Variants in CCDC178 observed in about 807,000 individuals in gnomAD.
The protein encoded by CCDC178 is coiled-coil domain-containing protein 178.
In CCDC178, 126 loss-of-function variants were observed where a neutral mutation model predicts 117.4. That is an observed-to-expected ratio of 1.07 (90% CI 0.93 to 1.24). The LOEUF (loss-of-function observed/expected upper bound fraction) is 1.24, where lower values mean the gene tolerates loss of function less well. Among genes scored for constraint, CCDC178 ranks in the 50% most tolerant of loss-of-function variants. The pLI is 0.00. For missense variants in CCDC178, 1,030 were observed against 986.9 expected, an observed-to-expected ratio of 1.04 and a Z score of -0.59; for synonymous variants, 283 against 313.4, an observed-to-expected ratio of 0.90 and a Z score of 1.02.
At chr18:33,421,625 A>T (rs1009659907) in intron 2 of CCDC178, among the ~76,000 whole-genome samples, 1 of 152,242 alleles carries the variant, frequency 6.6e-6, no homozygotes, top group African/African-American at 2.4e-5. Flanking sequence ...AAAGATGCAC[A>T]AAAAGACAGG....
chr18:33,021,457 G>T (rs1266299861), intron 21 of CCDC178, among the ~76,000 whole-genome samples: 1 of 152,132 alleles, frequency 6.6e-6, no homozygotes, highest in African/African-American at 2.4e-5. Flanking sequence ...CAGCACTTTG[G>T]GAGGCCGAGG....
chr18:33,435,024 C>A (rs190455747), intron 2 of CCDC178, among the ~76,000 whole-genome samples: 5 of 152,108 alleles, frequency 3.3e-5, no homozygotes, highest in Admixed American at 2.6e-4. Context: ...CAGCACCTGG[C>A]AAATATTATG....
At chr18:33,366,684 G>A (rs1415958414) in intron 6 of CCDC178, among the ~76,000 whole-genome samples, 2 of 151,912 alleles carry the variant, frequency 1.3e-5, no homozygotes, top group African/African-American at 4.8e-5. Context: ...AATCACAGAT[G>A]ACTACATATT....
chr18:33,067,651 C>A (rs974845367), intron 21 of CCDC178, among the ~76,000 whole-genome samples: 4 of 151,972 alleles, frequency 2.6e-5, no homozygotes, highest in African/African-American at 9.7e-5. Flanking sequence ...TCGAGACCAG[C>A]CTGACCAACA....
intron 6 of CCDC178, 42 bp downstream of exon 6, chr18:33,370,008 T>TA (rs771817846): frequency 2.7e-6 from 4 of 1,500,474 alleles, no homozygotes; most frequent in Non-Finnish European, 3.6e-6. Flanking sequence ...AGAGGGTCGA[T>TA]AAAGCTTACC....
intron 20 of CCDC178, among the ~76,000 whole-genome samples, chr18:33,099,909 T>A (rs2057599233): frequency 6.6e-6 from 1 of 152,048 alleles, no homozygotes; most frequent in African/African-American, 2.4e-5. Flanking sequence ...ACATTCTTGA[T>A]TTGTAAATGA....
In CCDC178 at chr18:33,106,330, G is replaced by A. The variant is rs114056203; in HGVS notation, c.2239-13420C>T. Among the ~76,000 whole-genome samples, 704 of 151,808 alleles carry A rather than the reference G, an allele frequency of 4.6e-3. 5 individuals carry two copies. Among genetic ancestry groups the A allele is most frequent in the African/African-American group, 0.016 (675 of 41,480 alleles). ...AGAAAGGAAGGAAGGAAGAAAGAAA[G>A]AGCAAGTCTTCTGGAATTAAATGCT... On this transcript the variant is annotated intron_variant, in intron 20 of 22. Transcript: ENST00000383096.
chr18:33,424,465 C>T (rs2064085722), intron 2 of CCDC178, among the ~76,000 whole-genome samples: 1 of 152,122 alleles, frequency 6.6e-6, no homozygotes, highest in Non-Finnish European at 1.5e-5. Flanking sequence ...GGTGTACAGG[C>T]GCACACCTCC....
intron 12 of CCDC178, among the ~76,000 whole-genome samples, chr18:33,268,710 C>T (rs2059850466): frequency 6.6e-6 from 1 of 151,524 alleles, no homozygotes; most frequent in African/African-American, 2.4e-5. Flanking sequence ...AATAAAAAGC[C>T]AACATTCCCA....
intron 22 of CCDC178, among the ~76,000 whole-genome samples, chr18:32,951,966 TC>T (rs2144627497): frequency 6.6e-6 from 1 of 152,310 alleles, no homozygotes; most frequent in African/African-American, 2.4e-5. Context: ...CAAAATTATC[TC>T]CTTTTACTCC....
At chr18:33,007,688 A>G (rs2055779458) in intron 21 of CCDC178, among the ~76,000 whole-genome samples, 1 of 152,144 alleles carries the variant, frequency 6.6e-6, no homozygotes, top group Admixed American at 6.6e-5. Context: ...ACCTAAGTAC[A>G]TACAAATCAA....
At chr18:33,396,636 T>C (rs1369358040) in intron 4 of CCDC178, among the ~76,000 whole-genome samples, 1 of 152,156 alleles carries the variant, frequency 6.6e-6, no homozygotes, top group Non-Finnish European at 1.5e-5. Context: ...AACAAACATA[T>C]ATTAACTCAG....
chr18:33,311,587 T>C (rs2144954548), intron 11 of CCDC178, among the ~76,000 whole-genome samples: 1 of 152,314 alleles, frequency 6.6e-6, no homozygotes, highest in South Asian at 2.1e-4. Flanking sequence ...TCTTCTTCAA[T>C]GTGCCTTCTT....
intron 11 of CCDC178, among the ~76,000 whole-genome samples, chr18:33,308,344 G>A (rs2062286542): frequency 6.6e-6 from 1 of 152,198 alleles, no homozygotes; most frequent in Admixed American, 6.5e-5. Context: ...CATGGGGCCT[G>A]TAGCCCCCTT....
intron 22 of CCDC178, among the ~76,000 whole-genome samples, chr18:32,965,829 C>T (rs1226730123): frequency 1.3e-5 from 2 of 150,438 alleles, no homozygotes; most frequent in Non-Finnish European, 3.0e-5. Flanking sequence ...TTTTTTTGTA[C>T]TTCTGATATT....
At chr18:33,018,369 A>G (rs2056040419) in intron 21 of CCDC178, among the ~76,000 whole-genome samples, 1 of 152,064 alleles carries the variant, frequency 6.6e-6, no homozygotes, top group Non-Finnish European at 1.5e-5. Flanking sequence ...GCTCCTCAAA[A>G]TGTTAAACAT....
At chr18:33,147,356 A>ATTTTTTTTTTTTTTTTTTTTTTTTTTTT (rs575608507) in intron 20 of CCDC178, among the ~76,000 whole-genome samples, 1 of 94,640 alleles carries the variant, frequency 1.1e-5, no homozygotes, top group Non-Finnish European at 2.1e-5. Context: ...TGCCTTTTTA[A>ATTTTTTTTTTTTTTTTTTTTTTTTTTTT]TTTTTTTTTT....
chr18:33,061,674 A>G (rs1225604499), intron 21 of CCDC178, among the ~76,000 whole-genome samples: 2 of 152,326 alleles, frequency 1.3e-5, no homozygotes, highest in Admixed American at 6.5e-5. Flanking sequence ...ATCTTCACAC[A>G]TTGGTTTCAT....
chr18:33,201,659 TG>T (rs35193338), intron 20 of CCDC178, among the ~76,000 whole-genome samples: 24,468 of 152,086 alleles, frequency 0.16, 2,742 homozygotes, highest in African/African-American at 0.32. Context: ...GCAAAAGCCG[TG>T]GGTTGTATTA....
Sources: gnomAD v4.1 joint callset for allele counts (sites outside exome capture counted in the v4.1 genomes callset) on GRCh38, gnomAD v4.1.1 for gene constraint, MANE v1.5 for transcripts, NCBI Gene and HGNC (gene_info 2026-07-23, HGNC 2026-07-21) for gene names.